The following ZNF135 variants were observed in gnomAD, a reference collection of about 807,000 sequenced individuals.
ZNF135 encodes the protein zinc finger protein 135, also known as zinc finger protein 135 (clone pHZ-17).
In ZNF135, 11 loss-of-function variants were observed where a neutral mutation model predicts 12.3. The ratio of observed to expected loss-of-function variants is 0.89; its 90% CI spans 0.56 to 1.48. ZNF135 has a LOEUF of 1.48. ZNF135 is among the 40% of genes most tolerant of loss of function. The probability of loss-of-function intolerance (pLI) is 0.00; values close to 1 mark genes in which losing one functional copy is unlikely to be tolerated. For synonymous variants in ZNF135, 316 were observed against 312.0 expected, an observed-to-expected ratio of 1.01 and a Z score of -0.14; for missense variants, 722 against 815.7, an observed-to-expected ratio of 0.89 and a Z score of 1.40.
chr19:58,067,690 G>A lies in ZNF135; in HGVS notation c.1206G>A (p.Arg402=). The stretch of plus-strand genomic sequence containing the variant: ...TCACACCACTGATTCAGCACCAGAG[G>A]ACCCACACAGGAGAAAAGCCCTATG... ...TQITPLIQHQ[R]THTGEKPYEC... Residue 402 remains arginine (R), a synonymous_variant, in exon 5 of 5, where the codon AGG becomes AGA. Transcript: ENST00000313434. 6.2e-7 allele frequency: 1 copy of A among 1,611,160 alleles called. No homozygotes were observed.
rs1357398175 is a variant in ZNF135 at position 58,060,148 on chromosome 19, C to T, written c.33+113C>T. ...CACCCCGTCCCTACTCGCGCTCAGC[C>T]TCCTCCTTGTGCCCGGCCCCTACTT... On this transcript the variant is annotated intron_variant, in intron 2 of 4. Transcript: ENST00000313434. This position sits in a 1 kb window ranked among gnomAD's most constrained non-coding sequence, Gnocchi z 4.9. 4 of 1,574,450 alleles carry T rather than the reference C, an allele frequency of 2.5e-6. No homozygotes were observed.
chr19:58,067,936 C>T lies in ZNF135; in HGVS notation c.1452C>T (p.His484=), dbSNP rs774816792. Residue 484 remains histidine (H), a synonymous_variant, in exon 5 of 5, where the codon CAC becomes CAT. Transcript: ENST00000313434. The part of the protein sequence containing the change: ...AFRQSTHLTQ[H]QRIHTGEKPY... ...GGCAGAGCACACACCTCACCCAACA[C>T]CAGCGAATCCACACAGGGGAGAAGC... 2.5e-6 allele frequency: 4 copies of T among 1,613,400 alleles called. No homozygotes were observed. The highest frequency in any genetic ancestry group is 1.3e-5 in the African/African-American group (1 of 74,672).
In ZNF135 at chr19:58,063,384, G is replaced by C; in HGVS notation, c.161-62G>C. ...ACCTGGAAGACCAAAGGTGGAATGG[G>C]CTGAGGCTCAGGAAGGGTCCTGGGA... On this transcript the variant is annotated intron_variant, in intron 3 of 4. Transcript: ENST00000313434. This position sits in a 1 kb window ranked among gnomAD's most constrained non-coding sequence, Gnocchi z 4.4. 1 of 1,604,754 alleles carries C rather than the reference G, an allele frequency of 6.2e-7. No homozygotes were observed. Among genetic ancestry groups the C allele is most frequent in the Non-Finnish European group, 8.5e-7 (1 of 1,174,960 alleles).
At position 58,060,429 on chromosome 19, in the gene ZNF135, G is replaced by A. The variant is rs2073956180; in HGVS notation, c.33+394G>A. 1 of 1,141,676 alleles carries A rather than the reference G, an allele frequency of 8.8e-7. No homozygotes were observed. The highest frequency in any genetic ancestry group is 1.1e-6 in the Non-Finnish European group (1 of 923,304). 70.7% of individuals were successfully genotyped at this position (1,141,676 alleles called of 1,614,324 possible). The stretch of plus-strand genomic sequence containing the variant: ...CGGGCACGGGTCCCTGTCTGAGTGG[G>A]CTTTATGTTTGTGCGGCCGTCATTG... On this transcript the variant is annotated intron_variant, in intron 2 of 4. Transcript: ENST00000313434. The surrounding 1 kb of genome is among the most constrained non-coding windows in gnomAD (Gnocchi z 4.9).
Position 58,059,370 on chromosome 19 carries a change from GC to G in ZNF135, c.-35+61del. 1.3e-6 allele frequency: 1 copy of G among 784,480 alleles called. No individual in the cohort carries two copies. Among genetic ancestry groups the G allele is most frequent in the Non-Finnish European group, 1.8e-6 (1 of 551,144 alleles). The allele number at this position is 784,480 out of a possible 1,614,324, so 48.6% of individuals were successfully genotyped here. A position where few individuals can be genotyped will look rare whatever the true frequency, so the allele number is the denominator to read the frequency against. On this transcript the variant is annotated intron_variant, in intron 1 of 4. Coordinates refer to ENST00000313434, the MANE Select transcript of ZNF135 (RefSeq NM_001289401.2). This position sits in a 1 kb window ranked among gnomAD's most constrained non-coding sequence, Gnocchi z 6.5. ...CAGGCCGGGCCGGGCCGGGCCGGGT[GC>G]GGGGGGTCCGGGGATCTTCCTGAGG...
rs1250089660 is a variant in ZNF135 at position 58,060,209 on chromosome 19, C to T, written c.33+174C>T. On this transcript the variant is annotated intron_variant, in intron 2 of 4. Coordinates refer to ENST00000313434, the MANE Select transcript of ZNF135 (RefSeq NM_001289401.2). This position sits in a 1 kb window ranked among gnomAD's most constrained non-coding sequence, Gnocchi z 4.9. ...CCCCTACTCGTGCCCGGCCTCTACT[C>T]GCACAACTGGCCTCTACTCGCGCAC... 8 of 1,462,112 alleles carry T rather than the reference C, an allele frequency of 5.5e-6. No individual in the cohort carries two copies. The highest frequency in any genetic ancestry group is 1.4e-5 in the African/African-American group (1 of 71,462). 90.6% of individuals were successfully genotyped at this position (1,462,112 alleles called of 1,614,324 possible).
At chr19:58,064,993 T>G (rs905331558) in intron 4 of ZNF135, among the ~76,000 whole-genome samples, 1 of 152,250 alleles carries the variant, frequency 6.6e-6, no homozygotes, top group African/African-American at 2.4e-5. Flanking sequence ...GATTTTCGAT[T>G]GTACTGGGGT....
Position 58,063,591 on chromosome 19 carries a change from C to A in ZNF135, c.256+50C>A. 6.2e-7 allele frequency: 1 copy of A among 1,610,320 alleles called. No homozygotes were observed. The highest frequency in any genetic ancestry group is 8.5e-7 in the Non-Finnish European group (1 of 1,177,886). ...GAGAGAAGCCTGTCCATGCTTGCTTCCTGGTTTCTCCCTCTGCATCTGCTC... is the reference window on the plus strand; with the variant it reads ...GAGAGAAGCCTGTCCATGCTTGCTTACTGGTTTCTCCCTCTGCATCTGCTC... On this transcript the variant is annotated intron_variant, in intron 4 of 4. Transcript: ENST00000313434. The surrounding 1 kb of genome is among the most constrained non-coding windows in gnomAD (Gnocchi z 4.4).
rs926635444 is a variant in ZNF135 at position 58,059,546 on chromosome 19, G to A, written c.-35+236G>A. On this transcript the variant is annotated intron_variant, in intron 1 of 4. Transcript: ENST00000313434. The surrounding 1 kb of genome is among the most constrained non-coding windows in gnomAD (Gnocchi z 6.5). Reference sequence around the variant, plus strand: ...GAGGGCGGGGCCCAACGCCCAGCTGGACAGGAGCTGCTCCGACGGCCCCTG... The same window carrying A: ...GAGGGCGGGGCCCAACGCCCAGCTGAACAGGAGCTGCTCCGACGGCCCCTG... Among the ~76,000 whole-genome samples the A allele has an allele frequency of 5.3e-5, 8 of 152,120 alleles. No homozygotes were observed. Among genetic ancestry groups the A allele is most frequent in the Admixed American group, 4.6e-4 (7 of 15,288 alleles).
Position 58,060,356 on chromosome 19 carries a change from A to G in ZNF135, c.33+321A>G. On this transcript the variant is annotated intron_variant, in intron 2 of 4. Transcript: ENST00000313434. The surrounding 1 kb of genome is among the most constrained non-coding windows in gnomAD (Gnocchi z 4.9). Reference sequence around the variant, plus strand: ...CCTAAAGTCCGCGCCAAGCTCCCCAACCACAGCCTGCCTCTGAAAGGACCG... The same window carrying G: ...CCTAAAGTCCGCGCCAAGCTCCCCAGCCACAGCCTGCCTCTGAAAGGACCG... 2 of 1,263,780 alleles carry G rather than the reference A, an allele frequency of 1.6e-6. No individual in the cohort carries two copies. The highest frequency in any genetic ancestry group is 1.5e-5 in the African/African-American group (1 of 64,700). 78.3% of individuals were successfully genotyped at this position (1,263,780 alleles called of 1,614,324 possible). A position where few individuals can be genotyped will look rare whatever the true frequency, so the allele number is the denominator to read the frequency against.
In ZNF135 at chr19:58,059,897, C is replaced by A. The variant is rs1200466152; in HGVS notation, c.-34-72C>A. 3 of 1,568,562 alleles carry A rather than the reference C, an allele frequency of 1.9e-6. No individual in the cohort carries two copies. Among genetic ancestry groups the A allele is most frequent in the African/African-American group, 2.7e-5 (2 of 74,082 alleles). ...CTCCGCGGAGCTCCCCAGGCTCTGG[C>A]GCAGTTCCCCGGCTTGGGGACCTGA... On this transcript the variant is annotated intron_variant, in intron 1 of 4. Transcript: ENST00000313434. The surrounding 1 kb of genome is among the most constrained non-coding windows in gnomAD (Gnocchi z 6.5).
Position 58,061,115 on chromosome 19 carries a change from G to A in ZNF135, c.34-465G>A, listed in dbSNP as rs1436691884. On this transcript the variant is annotated intron_variant, in intron 2 of 4. Transcript: ENST00000313434. Reference sequence around the variant, plus strand: ...TGCACTCTAGCCTGGGCGACAAAGCGAGACTCCGTCTCGGGGGAAAAAAAA... The same window carrying A: ...TGCACTCTAGCCTGGGCGACAAAGCAAGACTCCGTCTCGGGGGAAAAAAAA... Among the ~76,000 whole-genome samples the A allele has an allele frequency of 3.0e-5, 4 of 133,420 alleles. 1 individual carries two copies. Among genetic ancestry groups the A allele is most frequent in the South Asian group, 5.1e-4 (2 of 3,898 alleles). The allele number at this position is 133,420 out of a possible 152,430, so 87.5% of individuals were successfully genotyped here.
In ZNF135 at chr19:58,068,311, C is replaced by G; in HGVS notation, c.1827C>G (p.His609Gln). The change falls in exon 5 of 5, where the codon CAC becomes CAG. Residue 609 changes from histidine (H) to glutamine (Q), a missense_variant. Transcript: ENST00000313434. ...THTGEKPYEC[H>Q]DCGKSFRQST... ...CTGGGGAAAAGCCCTATGAGTGTCA[C>G]GATTGCGGAAAGTCCTTTAGGCAGA... The G allele has an allele frequency of 1.2e-6, 2 of 1,613,796 alleles. No homozygotes were observed. Among genetic ancestry groups the G allele is most frequent in the Non-Finnish European group, 8.5e-7 (1 of 1,179,928 alleles).
intron 4 of ZNF135, among the ~76,000 whole-genome samples, chr19:58,064,131 G>A (rs2074028878): frequency 6.6e-6 from 1 of 152,336 alleles, no homozygotes; most frequent in African/African-American, 2.4e-5. Context: ...TGATTGGTAG[G>A]TAGCAGAGGT....
chr19:58,063,346 C>T lies in ZNF135; in HGVS notation c.161-100C>T. 1 of 1,550,930 alleles carries T rather than the reference C, an allele frequency of 6.4e-7. No homozygotes were observed. Among genetic ancestry groups the T allele is most frequent in the Non-Finnish European group, 8.7e-7 (1 of 1,145,456 alleles). On this transcript the variant is annotated intron_variant, in intron 3 of 4. Transcript: ENST00000313434. This position sits in a 1 kb window ranked among gnomAD's most constrained non-coding sequence, Gnocchi z 4.4. Reference sequence around the variant, plus strand: ...GACAGCTGAAGTCACTCAGGGGTCCCCAGCCATCTGGGACCTGGAAGACCA... The same window carrying T: ...GACAGCTGAAGTCACTCAGGGGTCCTCAGCCATCTGGGACCTGGAAGACCA...
At chr19:58,061,852 T>C (rs2073987930) in intron 3 of ZNF135, 146 bp downstream of exon 3, 5 of 1,073,708 alleles carry the variant, frequency 4.7e-6, no homozygotes, top group South Asian at 2.0e-5. Flanking sequence ...TGTTTTAATG[T>C]AGGAAATATC....
chr19:58,063,043 C>T lies in ZNF135; in HGVS notation c.161-403C>T, dbSNP rs141321289. On this transcript the variant is annotated intron_variant, in intron 3 of 4. Transcript: ENST00000313434. This position sits in a 1 kb window ranked among gnomAD's most constrained non-coding sequence, Gnocchi z 4.4. ...GACCATAGCAATCTCTTTCTGGCTT[C>T]ATTTCCAGAGAGGCTCCTCTGGAGG... is the stretch of plus-strand genomic sequence containing the variant. Among the ~76,000 whole-genome samples the T allele has an allele frequency of 4.6e-5, 7 of 152,276 alleles. No homozygotes were observed. Among genetic ancestry groups the T allele is most frequent in the Non-Finnish European group, 8.8e-5 (6 of 68,014 alleles).
In ZNF135 at chr19:58,062,687, G is replaced by T. The variant is rs574586838; in HGVS notation, c.161-759G>T. On this transcript the variant is annotated intron_variant, in intron 3 of 4. Coordinates refer to ENST00000313434, the MANE Select transcript of ZNF135 (RefSeq NM_001289401.2). ...ATTACAGGCGTGAGCCACTGCGTCC[G>T]GCCTGAACCTTTTTTATTTTTAAGA... Among the ~76,000 whole-genome samples, 23 of 150,172 alleles carry T rather than the reference G, an allele frequency of 1.5e-4. No individual in the cohort carries two copies. In the South Asian group the frequency reaches 4.9e-3, roughly 32 times the overall value.
Position 58,059,886 on chromosome 19 carries a change from C to T in ZNF135, c.-34-83C>T. The T allele has an allele frequency of 6.5e-7, 1 of 1,544,526 alleles. No individual in the cohort carries two copies. The highest frequency in any genetic ancestry group is 8.8e-7 in the Non-Finnish European group (1 of 1,136,550). On this transcript the variant is annotated intron_variant, in intron 1 of 4. Coordinates refer to ENST00000313434, the MANE Select transcript of ZNF135 (RefSeq NM_001289401.2). The surrounding 1 kb of genome is among the most constrained non-coding windows in gnomAD (Gnocchi z 6.5). ...CCTGGACGGCTCTCCGCGGAGCTCC[C>T]CAGGCTCTGGCGCAGTTCCCCGGCT...
Sources: allele counts gnomAD v4.1 joint callset (sites outside exome capture counted in the v4.1 genomes callset), GRCh38; gene constraint gnomAD v4.1.1; non-coding constraint Gnocchi (gnomAD v3.1); transcripts MANE v1.5; gene names NCBI Gene and HGNC (gene_info 2026-07-23, HGNC 2026-07-21).